Variants in TNFRSF8 observed in about 807,000 individuals in gnomAD.
TNFRSF8 encodes the protein TNF receptor superfamily member 8.
TNFRSF8 carries 26 observed loss-of-function variants against 70.8 expected under a neutral mutation model. The ratio of observed to expected loss-of-function variants is 0.37; its 90% CI spans 0.27 to 0.51. TNFRSF8 has a LOEUF of 0.51. TNFRSF8 is among the 20% of genes least tolerant of loss of function. The probability of loss-of-function intolerance (pLI) is 0.94; values close to 1 mark genes in which losing one functional copy is unlikely to be tolerated. For synonymous variants in TNFRSF8, 356 were observed against 339.2 expected (o/e 1.05, Z -0.54); for missense variants, 720 against 807.9 (o/e 0.89, Z 1.32).
intron 2 of TNFRSF8, among the ~76,000 whole-genome samples, chr1:12,086,195 C>A (rs1003791703): frequency 6.6e-6 from 1 of 152,168 alleles, no homozygotes; most frequent in Non-Finnish European, 1.5e-5. Context: ...TCAACTCCCC[C>A]ATGAGATGCA....
intron 2 of TNFRSF8, among the ~76,000 whole-genome samples, chr1:12,085,670 C>T (rs1244503843): frequency 1.3e-5 from 2 of 152,240 alleles, no homozygotes; most frequent in Admixed American, 6.5e-5. Context: ...AATGTTCCCC[C>T]ACCCCCAGCA....
rs761575241 is a variant in TNFRSF8, at chr1:12,063,554, C to G, written c.-45C>G. 7.0e-5 allele frequency: 91 copies of G among 1,299,198 alleles called. No individual in the cohort carries two copies. In the Middle Eastern group the frequency reaches 8.8e-4, roughly 12 times the overall value. The allele number at this position is 1,299,198 out of a possible 1,614,324, so 80.5% of individuals were successfully genotyped here. A position where few individuals can be genotyped will look rare whatever the true frequency, so the allele number is the denominator to read the frequency against. ...GGCGCCGCGCGCTTCCCCCGCTTCC[C>G]AGGTGGGCGCCGGCCGCCAGGCCAC... On this transcript the variant is annotated 5_prime_UTR_variant, in exon 1 of 15. Coordinates refer to ENST00000263932, the MANE Select transcript of TNFRSF8 (RefSeq NM_001243.5). This position sits in a 1 kb window ranked among gnomAD's most constrained non-coding sequence, Gnocchi z 7.2.
chr1:12,115,541 T>A (rs777062822), intron 7 of TNFRSF8, 36 bp from the exon 8 acceptor site: 1 of 1,614,000 alleles, frequency 6.2e-7, no homozygotes, highest in Non-Finnish European at 8.5e-7. Flanking sequence ...CTTGCCATAC[T>A]GATCTTTCTC....
At chr1:12,111,170 T>TTTTG (rs1018949395) in intron 6 of TNFRSF8, among the ~76,000 whole-genome samples, 1 of 152,018 alleles carries the variant, frequency 6.6e-6, no homozygotes, top group Non-Finnish European at 1.5e-5. Context: ...CTATGATGTC[T>TTTTG]TTTGTTTGTT....
Position 12,099,881 on chromosome 1 carries a change from G to A in TNFRSF8, c.268+2664G>A, listed in dbSNP as rs192493775. Among the ~76,000 whole-genome samples, 138 of 152,094 alleles carry A rather than the reference G, an allele frequency of 9.1e-4. 1 individual carries two copies. The highest frequency in any genetic ancestry group is 7.7e-4 in the East Asian group (4 of 5,184). Reference sequence around the variant, plus strand: ...CATAGAAAAGGTGCAATAAAAATACGACATAGGCCGGGCACAGTGACTCAC... The same window carrying A: ...CATAGAAAAGGTGCAATAAAAATACAACATAGGCCGGGCACAGTGACTCAC... On this transcript the variant is annotated intron_variant, in intron 3 of 14. Transcript: ENST00000263932.
intron 2 of TNFRSF8, among the ~76,000 whole-genome samples, chr1:12,096,879 C>G (rs1641340286): frequency 6.6e-6 from 1 of 152,230 alleles, no homozygotes; most frequent in African/African-American, 2.4e-5. Context: ...CAGCTCTTCT[C>G]TATAACTATG....
intron 4 of TNFRSF8, among the ~76,000 whole-genome samples, chr1:12,105,564 C>T (rs1301368813): frequency 1.1e-5 from 1 of 92,664 alleles, no homozygotes; most frequent in Non-Finnish European, 2.3e-5. Flanking sequence ...CACTCACTCT[C>T]TCTCTGTCTC....
rs57009728 is a variant in TNFRSF8, at chr1:12,069,170, CTTTTTTTTTT to C, written c.63+5527_63+5536del. ...ACAGGCATGAGCCACTGCACCCGGC[CTTTTTTTTTT>C]TTTTTTTTTTTTTTTTTGATGGAGT... On this transcript the variant is annotated intron_variant, in intron 1 of 14. Coordinates refer to ENST00000263932, the MANE Select transcript of TNFRSF8 (RefSeq NM_001243.5). Among the ~76,000 whole-genome samples the C allele has an allele frequency of 2.4e-4, 13 of 53,578 alleles. 1 individual carries two copies. The highest frequency in any genetic ancestry group is 2.2e-3 in the Admixed American group (7 of 3,208). 35.1% of individuals were successfully genotyped at this position (53,578 alleles called of 152,430 possible).
At chr1:12,083,158 C>G (rs1000896555) in intron 1 of TNFRSF8, among the ~76,000 whole-genome samples, 4 of 152,300 alleles carry the variant, frequency 2.6e-5, no homozygotes, top group Middle Eastern at 6.8e-3. Context: ...ACTGATACCA[C>G]CAAGTGCTGA....
intron 12 of TNFRSF8, among the ~76,000 whole-genome samples, chr1:12,132,925 C>A (rs1319765956): frequency 6.6e-6 from 1 of 151,902 alleles, no homozygotes; most frequent in East Asian, 1.9e-4. Flanking sequence ...CTCAACAAGC[C>A]CCAAAGTTGA....
At chr1:12,133,683 T>C (rs1642093633) in intron 12 of TNFRSF8, among the ~76,000 whole-genome samples, 1 of 140,804 alleles carries the variant, frequency 7.1e-6, no homozygotes, top group East Asian at 2.1e-4. Flanking sequence ...GAGGTTGCAG[T>C]GAGCCGAGAT....
At chr1:12,082,559 A>AAC (rs1553153710) in intron 1 of TNFRSF8, among the ~76,000 whole-genome samples, 7 of 150,952 alleles carry the variant, frequency 4.6e-5, no homozygotes, top group African/African-American at 1.7e-4. Flanking sequence ...CAAAAAAAAA[A>AAC]AAAACAAAAA....
At position 12,123,290 on chromosome 1, in the gene TNFRSF8, C is replaced by G; in HGVS notation, c.953C>G (p.Ala318Gly). Residue 318 changes from alanine to glycine, a missense_variant, in exon 9 of 15, where the codon GCT becomes GGT. By Grantham distance (60) the Ala-to-Gly change is moderately conservative (BLOSUM62 0). Transcript: ENST00000263932. The stretch of plus-strand genomic sequence containing the variant: ...TGTTACGTCCCCTCTGCAGATATGG[C>G]TGAGAAGGACACCACCTTTGAGGCG... ...AETVTKPQDMAEKDTTFEAPP... is the reference protein window; with the variant it reads ...AETVTKPQDMGEKDTTFEAPP... 6.2e-7 allele frequency: 1 copy of G among 1,612,432 alleles called. No homozygotes were observed. The highest frequency in any genetic ancestry group is 1.3e-5 in the African/African-American group (1 of 75,032).
Position 12,125,948 on chromosome 1 carries a change from C to T in TNFRSF8, c.1154-3C>T, listed in dbSNP as rs1641929371. 1 of 1,613,568 alleles carries T rather than the reference C, an allele frequency of 6.2e-7. No homozygotes were observed. Among genetic ancestry groups the T allele is most frequent in the Admixed American group, 1.7e-5 (1 of 59,984 alleles). On this transcript the variant is annotated splice_region_variant and splice_polypyrimidine_tract_variant and intron_variant, in intron 10 of 14. Coordinates refer to ENST00000263932, the MANE Select transcript of TNFRSF8 (RefSeq NM_001243.5). ...AAGAGTGTGGGGCGTCTCTGTGTTC[C>T]AGGGCCAGTGCTCTTCTGGGTGATC...
chr1:12,073,067 C>T (rs189411192), intron 1 of TNFRSF8, among the ~76,000 whole-genome samples: 4 of 152,318 alleles, frequency 2.6e-5, no homozygotes, highest in African/African-American at 9.6e-5. Context: ...GCAGGAGGAT[C>T]TCATGAGCCC....
At chr1:12,134,964 TGC>T (rs1642117719) in intron 12 of TNFRSF8, among the ~76,000 whole-genome samples, 1 of 151,678 alleles carries the variant, frequency 6.6e-6, no homozygotes, top group African/African-American at 2.4e-5. Context: ...TCCTTGCATG[TGC>T]GCGGGGGTGG....
intron 3 of TNFRSF8, among the ~76,000 whole-genome samples, chr1:12,102,748 A>G (rs564081820): frequency 1.5e-4 from 22 of 150,846 alleles, no homozygotes; most frequent in African/African-American, 4.9e-4. Flanking sequence ...CTGGTCTCAA[A>G]CTCCTGACCT....
rs555375527 is a variant in TNFRSF8, at chr1:12,120,132, C to T, written c.947-3152C>T. Among the ~76,000 whole-genome samples the T allele has an allele frequency of 2.0e-5, 3 of 152,222 alleles. No individual in the cohort carries two copies. The South Asian group carries it at 6.2e-4, about 32-fold the overall frequency. ...AAAAACATTTTCAGACATAAAAGGT[C>T]CAGAAGGCTTTTCTTCCTATATCCT... On this transcript the variant is annotated intron_variant, in intron 8 of 14. Coordinates refer to ENST00000263932, the MANE Select transcript of TNFRSF8 (RefSeq NM_001243.5).
At chr1:12,082,218 A>C (rs1282771483) in intron 1 of TNFRSF8, among the ~76,000 whole-genome samples, 1 of 152,182 alleles carries the variant, frequency 6.6e-6, no homozygotes, top group Non-Finnish European at 1.5e-5. Flanking sequence ...ACTTTCAAAG[A>C]ACCCTTGAAA....
Sources: gnomAD v4.1 joint callset for allele counts (sites outside exome capture counted in the v4.1 genomes callset) on GRCh38, gnomAD v4.1.1 for gene constraint, Gnocchi (gnomAD v3.1) non-coding constraint, MANE v1.5 for transcripts, NCBI Gene and HGNC (gene_info 2026-07-23, HGNC 2026-07-21) for gene names.